The following RGS7 variants were observed in gnomAD, a reference collection of about 807,000 sequenced individuals.
The protein encoded by RGS7 is regulator of G-protein signaling 7.
In RGS7, 27 loss-of-function variants were observed where a neutral mutation model predicts 81.1. The ratio of observed to expected loss-of-function variants is 0.33; its 90% CI spans 0.25 to 0.46. The LOEUF (loss-of-function observed/expected upper bound fraction) is 0.46, where lower values mean the gene tolerates loss of function less well. Among genes scored for constraint, RGS7 ranks in the 20% least tolerant of loss-of-function variants. The probability of loss-of-function intolerance (pLI) is 1.00; values close to 1 mark genes in which losing one functional copy is unlikely to be tolerated. For missense variants in RGS7, 396 were observed against 607.4 expected, an observed-to-expected ratio of 0.65 and a Z score of 3.66; for synonymous variants, 208 against 207.7, an observed-to-expected ratio of 1.00 and a Z score of -0.01.
intron 2 of RGS7, among the ~76,000 whole-genome samples, chr1:241,151,785 T>C (rs754557082): frequency 6.6e-5 from 10 of 152,072 alleles, no homozygotes; most frequent in Non-Finnish European, 1.3e-4. Context: ...TAGGATAAAG[T>C]TTGCATTAGA....
At chr1:240,975,461 C>G (rs1683932247) in intron 4 of RGS7, among the ~76,000 whole-genome samples, 1 of 151,964 alleles carries the variant, frequency 6.6e-6, no homozygotes, top group Admixed American at 6.6e-5. Flanking sequence ...CCTTGATACC[C>G]AGGAGTGACA....
chr1:241,281,917 G>A (rs559818161), intron 2 of RGS7, among the ~76,000 whole-genome samples: 2 of 152,226 alleles, frequency 1.3e-5, no homozygotes, highest in South Asian at 2.1e-4. Flanking sequence ...TTAGTTAAAC[G>A]TTCAACTACT....
At chr1:241,246,821 C>T (rs2076572606) in intron 2 of RGS7, among the ~76,000 whole-genome samples, 1 of 151,790 alleles carries the variant, frequency 6.6e-6, no homozygotes, top group African/African-American at 2.4e-5. Flanking sequence ...GATGAAACAT[C>T]ATGGGGGAGA....
chr1:241,187,602 G>A (rs925839487), intron 2 of RGS7, among the ~76,000 whole-genome samples: 8 of 152,110 alleles, frequency 5.3e-5, no homozygotes, highest in African/African-American at 1.9e-4. Flanking sequence ...GCTCTAATAT[G>A]CAGTACAGCT....
intron 5 of RGS7, among the ~76,000 whole-genome samples, chr1:240,932,754 T>C (rs1243757602): frequency 3.9e-4 from 57 of 146,978 alleles, no homozygotes; most frequent in African/African-American, 8.7e-4. Flanking sequence ...GTGATCCGCC[T>C]GCCTCGGCCT....
intron 2 of RGS7, among the ~76,000 whole-genome samples, chr1:241,249,128 T>C (rs902670621): frequency 2.6e-5 from 4 of 152,196 alleles, no homozygotes; most frequent in African/African-American, 9.7e-5. Flanking sequence ...TCGTGAGGTA[T>C]AACTTATTGA....
chr1:241,026,046 T>A (rs749940799), intron 3 of RGS7, among the ~76,000 whole-genome samples: 3 of 152,244 alleles, frequency 2.0e-5, no homozygotes, highest in Non-Finnish European at 4.4e-5. Flanking sequence ...TTTAATATAT[T>A]GTTTAACTTC....
chr1:241,230,999 G>T (rs1302737954), intron 2 of RGS7, among the ~76,000 whole-genome samples: 1 of 152,170 alleles, frequency 6.6e-6, no homozygotes, highest in East Asian at 1.9e-4. Flanking sequence ...TCTTTTGGTT[G>T]TTGGTCGTAC....
In RGS7 at chr1:241,151,071, T is replaced by C. The variant is rs144151836; in HGVS notation, c.79-52309A>G. On this transcript the variant is annotated intron_variant, in intron 2 of 18. Transcript: ENST00000440928. The stretch of plus-strand genomic sequence containing the variant: ...TCTGGGCCCCTAGCTGTTTGCACGG[T>C]GTCTGTCAACATCAGGGTGGATCTT... Among the ~76,000 whole-genome samples, 26 of 152,234 alleles carry C rather than the reference T, an allele frequency of 1.7e-4. No individual in the cohort carries two copies. In the East Asian group the frequency reaches 5.0e-3, roughly 29 times the overall value.
At chr1:241,311,702 A>G (rs975473496) in intron 2 of RGS7, among the ~76,000 whole-genome samples, 1 of 152,210 alleles carries the variant, frequency 6.6e-6, no homozygotes, top group African/African-American at 2.4e-5. Context: ...CTATGCATAA[A>G]CAATCACGAA....
chr1:241,035,218 GA>G (rs2148744664), intron 3 of RGS7, among the ~76,000 whole-genome samples: 1 of 152,246 alleles, frequency 6.6e-6, no homozygotes, highest in African/African-American at 2.4e-5. Context: ...TCTGAAGCTC[GA>G]AAATGCTCTG....
chr1:241,025,899 T>C (rs1324310972), intron 3 of RGS7, among the ~76,000 whole-genome samples: 1 of 152,210 alleles, frequency 6.6e-6, no homozygotes, highest in Non-Finnish European at 1.5e-5. Flanking sequence ...TGAATCATAA[T>C]GGAATGATAT....
chr1:240,965,652 A>G (rs904778837), intron 4 of RGS7, among the ~76,000 whole-genome samples: 22 of 152,222 alleles, frequency 1.4e-4, no homozygotes, highest in African/African-American at 5.3e-4. Flanking sequence ...CAGACACTTC[A>G]CACTCCACTG....
chr1:241,078,847 C>T (rs1048308477), intron 3 of RGS7, among the ~76,000 whole-genome samples: 2 of 152,038 alleles, frequency 1.3e-5, no homozygotes, highest in Non-Finnish European at 2.9e-5. Context: ...CCAGGGCTGC[C>T]GTTTAAAATA....
chr1:240,834,678 T>A (rs1694400434), intron 9 of RGS7, among the ~76,000 whole-genome samples: 1 of 151,578 alleles, frequency 6.6e-6, no homozygotes, highest in South Asian at 2.1e-4. Flanking sequence ...GCCCAGCTAA[T>A]TTTTTTGTAT....
chr1:241,309,995 A>T (rs1006782044), intron 2 of RGS7, among the ~76,000 whole-genome samples: 4 of 152,214 alleles, frequency 2.6e-5, no homozygotes, highest in African/African-American at 9.7e-5. Context: ...GTGGCATTGG[A>T]ACACTATGGT....
chr1:240,793,611 A>ATATATATATTTTTTTTT, intron 18 of RGS7, among the ~76,000 whole-genome samples: 1 of 78,872 alleles, frequency 1.3e-5, no homozygotes, highest in Non-Finnish European at 2.0e-5. Context: ...ATATATATAT[A>ATATATATATTTTTTTTT]TTTTTTTTTT....
intron 18 of RGS7, among the ~76,000 whole-genome samples, chr1:240,790,456 C>A (rs1340535311): frequency 1.3e-5 from 2 of 152,088 alleles, no homozygotes; most frequent in Non-Finnish European, 2.9e-5. Flanking sequence ...CCACTGTGCC[C>A]AGCCAATGTA....
rs143456321 is a variant in RGS7 at position 240,968,747 on chromosome 1, T to G, written c.226+14332A>C. ...AAATGACAATGAAGAGATGGATATG[T>G]TCCTAGGATCATATTTAGGCTATAA... On this transcript the variant is annotated intron_variant, in intron 4 of 18. Transcript: ENST00000440928. Among the ~76,000 whole-genome samples the G allele has an allele frequency of 8.0e-3, 1,219 of 152,268 alleles. 12 individuals carry two copies. Among genetic ancestry groups the G allele is most frequent in the African/African-American group, 0.028 (1,147 of 41,550 alleles).
Sources: allele counts gnomAD v4.1 joint callset (sites outside exome capture counted in the v4.1 genomes callset), GRCh38; gene constraint gnomAD v4.1.1; transcripts MANE v1.5; gene names NCBI Gene and HGNC (gene_info 2026-07-23, HGNC 2026-07-21).